RIC1: variants seen among roughly 807,000 people sequenced by gnomAD.
RIC1 encodes RIC1 partner of RAB6A GEF complex, also known as guanine nucleotide exchange factor subunit RIC1.
Under a neutral mutation model 169.0 loss-of-function variants are expected in RIC1, and 88 were observed. The observed-to-expected ratio is 0.52, with a 90% confidence interval of 0.44 to 0.62. The LOEUF is 0.62. RIC1 is among the 20% of genes least tolerant of loss of function. The pLI, the probability that RIC1 is intolerant of heterozygous loss-of-function variation, is 0.00. For synonymous variants in RIC1, 790 were observed against 601.5 expected (o/e 1.31, Z -4.59); for missense variants, 1,877 against 1,725.5 (o/e 1.09, Z -1.56).
At chr9:5,721,343 G>A (rs990644294) in intron 6 of RIC1, among the ~76,000 whole-genome samples, 1 of 152,176 alleles carries the variant, frequency 6.6e-6, no homozygotes, top group African/African-American at 2.4e-5. Context: ...ACTGAAAGGT[G>A]AGGAGAGCAG....
intron 6 of RIC1, among the ~76,000 whole-genome samples, chr9:5,723,740 G>T (rs1823764269): frequency 6.6e-6 from 1 of 152,180 alleles, no homozygotes; most frequent in African/African-American, 2.4e-5. Flanking sequence ...TTTGTATAAG[G>T]TGTAAGGAAA....
chr9:5,689,427 G>A (rs1222856753), intron 2 of RIC1, among the ~76,000 whole-genome samples: 1 of 152,138 alleles, frequency 6.6e-6, no homozygotes, highest in African/African-American at 2.4e-5. Context: ...GAAATTAAAG[G>A]TTTGCTCTGT....
chr9:5,658,139 C>G (rs983170440), intron 2 of RIC1, among the ~76,000 whole-genome samples: 1 of 152,048 alleles, frequency 6.6e-6, no homozygotes, highest in Non-Finnish European at 1.5e-5. Context: ...TATTCTAGTA[C>G]ATACTCATGT....
intron 1 of RIC1, among the ~76,000 whole-genome samples, chr9:5,631,559 C>T (rs1278101115): frequency 1.3e-5 from 2 of 151,942 alleles, no homozygotes; most frequent in South Asian, 2.1e-4. Context: ...TGGTGGTGCA[C>T]GCCTATAGCC....
intron 1 of RIC1, 24 bp from the exon 2 acceptor site, chr9:5,656,559 T>C: frequency 1.7e-5 from 4 of 230,130 alleles, no homozygotes; most frequent in Non-Finnish European, 2.9e-5. Context: ...AAAATACAAC[T>C]TTTTTTTTTT....
Position 5,763,078 on chromosome 9 carries a change from G to T in RIC1, c.2113-62G>T. On this transcript the variant is annotated intron_variant, in intron 18 of 25. Transcript: ENST00000414202. This position sits in a 1 kb window ranked among gnomAD's most constrained non-coding sequence, Gnocchi z 5.2. The stretch of plus-strand genomic sequence containing the variant: ...GAAAGACTTAGTAAACTAGTACCTA[G>T]GAACTTAAGAACCTGCAGATTTAAT... The T allele has an allele frequency of 6.4e-7, 1 of 1,554,940 alleles. No individual in the cohort carries two copies. Among genetic ancestry groups the T allele is most frequent in the African/African-American group, 1.4e-5 (1 of 72,932 alleles).
chr9:5,643,558 C>T (rs1324199379), intron 1 of RIC1, among the ~76,000 whole-genome samples: 3 of 151,962 alleles, frequency 2.0e-5, no homozygotes, highest in African/African-American at 7.3e-5. Flanking sequence ...ATAATTACTC[C>T]TTTATTAAAA....
intron 2 of RIC1, among the ~76,000 whole-genome samples, chr9:5,683,939 C>T (rs1177863653): frequency 5.3e-5 from 8 of 152,166 alleles, no homozygotes; most frequent in South Asian, 4.1e-4. Flanking sequence ...TAGGACCCTC[C>T]GAGCCAGGTG....
chr9:5,633,080 T>C (rs1817796843), intron 1 of RIC1, among the ~76,000 whole-genome samples: 2 of 152,198 alleles, frequency 1.3e-5, no homozygotes, highest in Admixed American at 1.3e-4. Context: ...AGGTAGCTAA[T>C]AAAAAGCTGA....
chr9:5,696,742 G>T (rs1821929164), intron 3 of RIC1, among the ~76,000 whole-genome samples: 1 of 152,080 alleles, frequency 6.6e-6, no homozygotes, highest in Admixed American at 6.5e-5. Context: ...TAGAATTGCT[G>T]GGTCATATCA....
intron 16 of RIC1, among the ~76,000 whole-genome samples, chr9:5,757,068 T>C (rs758276067): frequency 6.6e-6 from 1 of 152,212 alleles, no homozygotes; most frequent in Non-Finnish European, 1.5e-5. Context: ...TTCTTATAGC[T>C]TCTTCCCTAG....
intron 2 of RIC1, among the ~76,000 whole-genome samples, chr9:5,671,804 A>G (rs1282779282): frequency 6.6e-6 from 1 of 152,176 alleles, no homozygotes; most frequent in African/African-American, 2.4e-5. Context: ...TAGGGAAAGA[A>G]TAGGTGCTGA....
Position 5,774,400 on chromosome 9 carries a change from A to AAGAATT in RIC1, c.*155_*156insGAATTA. ...TTAACTAATTCTTTCTTGTCTAAGA[A>AAGAATT]ATCTTTTTGACTCCATAAAAATGTG... On this transcript the variant is annotated 3_prime_UTR_variant, in exon 26 of 26. Coordinates refer to ENST00000414202, the MANE Select transcript of RIC1 (RefSeq NM_020829.4). The AAGAATT allele has an allele frequency of 1.7e-6, 1 of 603,492 alleles. No homozygotes were observed. The highest frequency in any genetic ancestry group is 2.6e-6 in the Non-Finnish European group (1 of 381,980). The allele number at this position is 603,492 out of a possible 1,614,324, so 37.4% of individuals were successfully genotyped here.
intron 1 of RIC1, among the ~76,000 whole-genome samples, chr9:5,648,952 G>T (rs561821796): frequency 5.6e-4 from 85 of 152,258 alleles, no homozygotes; most frequent in African/African-American, 1.9e-3. Context: ...CATTCAAAAG[G>T]AAGGTTATTT....
At chr9:5,777,712 G>A (rs181278328), downstream of RIC1, among the ~76,000 whole-genome samples, 200 of 152,148 alleles carry the variant, frequency 1.3e-3, 1 homozygote, top group African/African-American at 4.4e-3. Flanking sequence ...TTCTTCTAAC[G>A]TGGCTATTCA....
At chr9:5,632,231 C>T (rs1431726920) in intron 1 of RIC1, among the ~76,000 whole-genome samples, 1 of 152,144 alleles carries the variant, frequency 6.6e-6, no homozygotes, top group Admixed American at 6.5e-5. Context: ...GACAACTAGC[C>T]TTGTGGAAGG....
At chr9:5,688,729 C>T (rs994314322) in intron 2 of RIC1, among the ~76,000 whole-genome samples, 6 of 152,072 alleles carry the variant, frequency 3.9e-5, no homozygotes, top group African/African-American at 1.4e-4. Flanking sequence ...TTGGTCATTC[C>T]TTTGAAAAAC....
At chr9:5,696,729 G>A (rs954773806) in intron 3 of RIC1, among the ~76,000 whole-genome samples, 5 of 152,100 alleles carry the variant, frequency 3.3e-5, no homozygotes, top group African/African-American at 1.2e-4. Flanking sequence ...AAATACCTAG[G>A]AATAGAATTG....
intron 22 of RIC1, among the ~76,000 whole-genome samples, 163 bp from the exon 23 acceptor site, chr9:5,769,924 T>G (rs746134287): frequency 2.0e-5 from 3 of 152,164 alleles, no homozygotes; most frequent in Non-Finnish European, 4.4e-5. Context: ...CAATCCCATG[T>G]CTCTAGTTTT....
Sources: gnomAD v4.1 joint callset for allele counts (sites outside exome capture counted in the v4.1 genomes callset) on GRCh38, gnomAD v4.1.1 for gene constraint, Gnocchi (gnomAD v3.1) non-coding constraint, MANE v1.5 for transcripts, NCBI Gene and HGNC (gene_info 2026-07-23, HGNC 2026-07-21) for gene names.